ZBTB8A: variants seen among roughly 807,000 people sequenced by gnomAD.
The protein encoded by ZBTB8A is zinc finger and BTB domain-containing protein 8A.
ZBTB8A carries 19 observed loss-of-function variants against 37.8 expected under a neutral mutation model. That is an observed-to-expected ratio of 0.50 (90% CI 0.35 to 0.74). ZBTB8A has a LOEUF of 0.74. Ranked by LOEUF, ZBTB8A falls within the 30% of genes least tolerant of loss-of-function variation. ZBTB8A has a pLI of 0.01. For synonymous variants in ZBTB8A, 181 were observed against 185.2 expected, an observed-to-expected ratio of 0.98 and a Z score of 0.19; for missense variants, 394 against 537.8, an observed-to-expected ratio of 0.73 and a Z score of 2.65.
At chr1:32,587,193 C>T (rs1434375574) in intron 2 of ZBTB8A, among the ~76,000 whole-genome samples, 1 of 150,764 alleles carries the variant, frequency 6.6e-6, no homozygotes, top group Non-Finnish European at 1.5e-5. Context: ...GAGCCGAGAT[C>T]ACACCACTGC....
intron 2 of ZBTB8A, among the ~76,000 whole-genome samples, chr1:32,557,186 C>T (rs1011889131): frequency 6.6e-6 from 1 of 151,954 alleles, no homozygotes; most frequent in Non-Finnish European, 1.5e-5. Flanking sequence ...CCTGTAGTCC[C>T]AGCTACTTGG....
chr1:32,556,256 G>A (rs1644201347), intron 2 of ZBTB8A, among the ~76,000 whole-genome samples: 2 of 152,036 alleles, frequency 1.3e-5, no homozygotes, highest in South Asian at 2.1e-4. Flanking sequence ...TTTTAGTAGA[G>A]ACAGGGTTTC....
intron 2 of ZBTB8A, among the ~76,000 whole-genome samples, chr1:32,565,128 G>A (rs750014568): frequency 3.9e-5 from 6 of 152,086 alleles, no homozygotes; most frequent in Non-Finnish European, 8.8e-5. Flanking sequence ...TCAGGAGTTT[G>A]AGACTGCCTC....
chr1:32,596,481 T>G (rs949760628), intron 4 of ZBTB8A, among the ~76,000 whole-genome samples: 4 of 151,956 alleles, frequency 2.6e-5, no homozygotes, highest in Admixed American at 2.6e-4. Context: ...CTCAGGAGGC[T>G]GAGGCACGAG....
At position 32,600,242 on chromosome 1, in the gene ZBTB8A, T is replaced by C. The variant is rs751455192; in HGVS notation, c.1149T>C (p.Ala383=). The C allele has an allele frequency of 1.9e-5, 31 of 1,614,036 alleles. No homozygotes were observed. In the East Asian group the frequency reaches 6.7e-4, roughly 35 times the overall value. The change falls in exon 5 of 5, where the codon GCT becomes GCC. Residue 383 remains alanine, a synonymous_variant. Transcript: ENST00000373510. Reference sequence around the variant, plus strand: ...ACAGCCTCCCCATTGACTTGGAAGCTGAACAACATCTTATGTCCCCATCAG... The same window carrying C: ...ACAGCCTCCCCATTGACTTGGAAGCCGAACAACATCTTATGTCCCCATCAG... ...GIDSLPIDLE[A]EQHLMSPSDG...
At chr1:32,580,595 GA>G (rs1644396046) in intron 2 of ZBTB8A, among the ~76,000 whole-genome samples, 1 of 152,006 alleles carries the variant, frequency 6.6e-6, no homozygotes, top group Admixed American at 6.6e-5. Context: ...CAATACTGGG[GA>G]AAAGGGCACT....
chr1:32,546,215 G>A (rs557634928), intron 1 of ZBTB8A, among the ~76,000 whole-genome samples: 5 of 152,156 alleles, frequency 3.3e-5, no homozygotes, highest in East Asian at 1.9e-4. Context: ...AGGCCAAGGC[G>A]GGCAGATCAC....
intron 2 of ZBTB8A, among the ~76,000 whole-genome samples, chr1:32,562,806 C>T (rs1432006653): frequency 6.6e-6 from 1 of 151,990 alleles, no homozygotes; most frequent in East Asian, 1.9e-4. Context: ...TGGTTTCAGA[C>T]TCCTGACCTC....
intron 2 of ZBTB8A, among the ~76,000 whole-genome samples, chr1:32,584,579 A>G (rs1307821940): frequency 6.7e-6 from 1 of 149,534 alleles, no homozygotes; most frequent in East Asian, 2.0e-4. Flanking sequence ...TGGCACAAAC[A>G]AGGATCACTG....
chr1:32,567,822 A>AC (rs1644293818), intron 2 of ZBTB8A, among the ~76,000 whole-genome samples: 1 of 40,248 alleles, frequency 2.5e-5, no homozygotes, highest in Non-Finnish European at 4.7e-5. Context: ...AAAAAAAAAA[A>AC]ACAAAAACAA....
intron 2 of ZBTB8A, among the ~76,000 whole-genome samples, chr1:32,554,379 G>A (rs931935778): frequency 6.6e-6 from 1 of 151,070 alleles, no homozygotes; most frequent in African/African-American, 2.4e-5. Flanking sequence ...CTCTCTTAAG[G>A]AGGTGTAGTG....
chr1:32,593,353 A>G lies in ZBTB8A; in HGVS notation c.422A>G (p.Asn141Ser), dbSNP rs752541413. Residue 141 changes from asparagine (N) to serine (S), a missense_variant, in exon 3 of 5, where the codon AAT becomes AGT. Physicochemically the swap from Asn to Ser is conservative, Grantham distance 46 (BLOSUM62 1). Transcript: ENST00000373510. Reference sequence around the variant, plus strand: ...TTCAGTCTCTCAGATAAAGATGCCAATTCTAATGGTGTAGAACGTTCCTCT... The same window carrying G: ...TTCAGTCTCTCAGATAAAGATGCCAGTTCTAATGGTGTAGAACGTTCCTCT... ...RYFSLSDKDA[N>S]SNGVERSSFY... 3 of 1,614,074 alleles carry G rather than the reference A, an allele frequency of 1.9e-6. No homozygotes were observed. Among genetic ancestry groups the G allele is most frequent in the African/African-American group, 2.7e-5 (2 of 74,932 alleles).
At position 32,581,096 on chromosome 1, in the gene ZBTB8A, AT is replaced by A. The variant is rs1427558223; in HGVS notation, c.-1-11833del. On this transcript the variant is annotated intron_variant, in intron 2 of 4. Coordinates refer to ENST00000373510, the MANE Select transcript of ZBTB8A (RefSeq NM_001040441.3). ...CTCAAGGATTATATATAGATAATATATTAAATATATATAATATATAATATAT... is the reference window on the plus strand; with the variant it reads ...CTCAAGGATTATATATAGATAATATATAAATATATATAATATATAATATAT... Among the ~76,000 whole-genome samples the A allele has an allele frequency of 2.5e-3, 206 of 81,220 alleles. 1 individual carries two copies. The highest frequency in any genetic ancestry group is 9.4e-3 in the African/African-American group (201 of 21,496). The allele number at this position is 81,220 out of a possible 152,430, so 53.3% of individuals were successfully genotyped here. A position where few individuals can be genotyped will look rare whatever the true frequency, so the allele number is the denominator to read the frequency against.
chr1:32,601,655 T>C lies in ZBTB8A; in HGVS notation c.*1236T>C, dbSNP rs1201478300. On this transcript the variant is annotated 3_prime_UTR_variant, in exon 5 of 5. Coordinates refer to ENST00000373510, the MANE Select transcript of ZBTB8A (RefSeq NM_001040441.3). ...AAAGTCTGAGAGAGAAAACTGATGA[T>C]TGGACAGGATCTGATTTTAAACAAT... 2 of 398,458 alleles carry C rather than the reference T, an allele frequency of 5.0e-6. No individual in the cohort carries two copies. The highest frequency in any genetic ancestry group is 3.6e-5 in the East Asian group (1 of 28,070). The allele number at this position is 398,458 out of a possible 1,614,324, so 24.7% of individuals were successfully genotyped here. A position where few individuals can be genotyped will look rare whatever the true frequency, so the allele number is the denominator to read the frequency against.
At chr1:32,566,349 A>G (rs1452653271) in intron 2 of ZBTB8A, among the ~76,000 whole-genome samples, 3 of 152,034 alleles carry the variant, frequency 2.0e-5, no homozygotes, top group Admixed American at 1.3e-4. Context: ...CCCTATATCT[A>G]CAATAAAAAG....
At chr1:32,595,272 G>C (rs1040048638) in intron 4 of ZBTB8A, 49 bp downstream of exon 4, 2 of 1,593,068 alleles carry the variant, frequency 1.3e-6, no homozygotes, top group African/African-American at 2.7e-5. Flanking sequence ...TTTGGTTTTT[G>C]TTTTTGTTTT....
At chr1:32,580,014 AT>A (rs1644391394) in intron 2 of ZBTB8A, among the ~76,000 whole-genome samples, 1 of 152,180 alleles carries the variant, frequency 6.6e-6, no homozygotes, top group African/African-American at 2.4e-5. Context: ...ACAATGTTAA[AT>A]AATAGTATTG....
chr1:32,541,526 T>C (rs537744591), intron 1 of ZBTB8A, among the ~76,000 whole-genome samples: 1 of 152,354 alleles, frequency 6.6e-6, no homozygotes, highest in African/African-American at 2.4e-5. Context: ...ATTCTAAATC[T>C]TTTCTGTCTC....
rs146832854 is a variant in ZBTB8A at position 32,557,598 on chromosome 1, A to G, written c.-2+4058A>G. Among the ~76,000 whole-genome samples the G allele has an allele frequency of 5.3e-4, 80 of 152,154 alleles. 1 individual carries two copies. In the East Asian group the frequency reaches 0.012, roughly 22 times the overall value. ...CCACCTCAGCCCCCAAGTAGCTGGG[A>G]CTACAGGCCCATGCCACCATACCCA... On this transcript the variant is annotated intron_variant, in intron 2 of 4. Transcript: ENST00000373510.
Sources: gnomAD v4.1 joint callset for allele counts (sites outside exome capture counted in the v4.1 genomes callset) on GRCh38, gnomAD v4.1.1 for gene constraint, MANE v1.5 for transcripts, NCBI Gene and HGNC (gene_info 2026-07-23, HGNC 2026-07-21) for gene names.